Variants in ANO1 observed in about 807,000 individuals in gnomAD.
The protein encoded by ANO1 is anoctamin-1.
Under a neutral mutation model 124.0 loss-of-function variants are expected in ANO1, and 59 were observed. The ratio of observed to expected loss-of-function variants is 0.48; its 90% CI spans 0.39 to 0.59. The LOEUF (loss-of-function observed/expected upper bound fraction) is 0.59, where lower values mean the gene tolerates loss of function less well. Ranked by LOEUF, ANO1 falls within the 20% of genes least tolerant of loss-of-function variation. ANO1 has a pLI of 0.00. For missense variants in ANO1, 1,059 were observed against 1,328.0 expected (o/e 0.80, Z 3.15); for synonymous variants, 529 against 532.0 (o/e 0.99, Z 0.08).
At chr11:70,027,121 A>G (rs782027937) in intron 1 of ANO1, among the ~76,000 whole-genome samples, 9 of 152,078 alleles carry the variant, frequency 5.9e-5, no homozygotes, top group Non-Finnish European at 8.8e-5. Context: ...GTCTCTCTTC[A>G]CGGTACTCAT....
At chr11:70,172,119 T>TAAAAA (rs367908728) in intron 22 of ANO1, among the ~76,000 whole-genome samples, 17 of 120,482 alleles carry the variant, frequency 1.4e-4, no homozygotes, top group Admixed American at 3.5e-4. Context: ...GAACCTGTCT[T>TAAAAA]AAAAAAAAAA....
chr11:70,132,195 C>A (rs2046785819), intron 11 of ANO1, 116 bp downstream of exon 11: 1 of 1,342,792 alleles, frequency 7.4e-7, no homozygotes, highest in Non-Finnish European at 1.0e-6. Context: ...CGGGAAAAAA[C>A]ATAGGGGAAG....
chr11:70,099,271 T>C (rs1294596852), intron 2 of ANO1, among the ~76,000 whole-genome samples: 2 of 152,310 alleles, frequency 1.3e-5, no homozygotes, highest in East Asian at 3.9e-4. Context: ...GGCACCATGC[T>C]TTAAAACATC....
the ANO1 span, among the ~76,000 whole-genome samples, chr11:69,975,233 G>C: frequency 6.6e-6 from 1 of 152,220 alleles, no homozygotes; most frequent in Non-Finnish European, 1.5e-5. Flanking sequence ...CAGGGAGATG[G>C]AGCAGTGGCC....
At chr11:70,068,357 G>A (rs1236248893) in intron 1 of ANO1, among the ~76,000 whole-genome samples, 1 of 152,210 alleles carries the variant, frequency 6.6e-6, no homozygotes, top group Non-Finnish European at 1.5e-5. Context: ...CACCGACAAA[G>A]GACATTAGCT....
At chr11:69,994,688 T>C (rs1554998096) in intron 1 of ANO1, among the ~76,000 whole-genome samples, 2 of 152,196 alleles carry the variant, frequency 1.3e-5, no homozygotes, top group Non-Finnish European at 1.5e-5. Context: ...TTTGAGGTGA[T>C]GCTGTCACAT....
At chr11:70,155,246 C>A (rs2047763261) in intron 14 of ANO1, among the ~76,000 whole-genome samples, 1 of 152,218 alleles carries the variant, frequency 6.6e-6, no homozygotes, top group Non-Finnish European at 1.5e-5. Flanking sequence ...GCAACAGGTG[C>A]CGGAAGGAAG....
In ANO1 at chr11:70,062,565, G is replaced by A. The variant is rs182862789; in HGVS notation, c.59-15977G>A. Among the ~76,000 whole-genome samples, 151 of 152,288 alleles carry A rather than the reference G, an allele frequency of 9.9e-4. 2 individuals are homozygous for A. Among genetic ancestry groups the A allele is most frequent in the Non-Finnish European group, 1.6e-3 (109 of 68,016 alleles). On this transcript the variant is annotated intron_variant, in intron 1 of 27. Coordinates refer to the ANO1 transcript ENST00000531349. ...ACCATGCTGGGGTGAGCTGGGGGAGGGTTCAGGAGCTGCTTTCCCTCTGGA... is the reference window on the plus strand; with the variant it reads ...ACCATGCTGGGGTGAGCTGGGGGAGAGTTCAGGAGCTGCTTTCCCTCTGGA...
chr11:69,984,045 G>A (rs1554996572), upstream of ANO1, among the ~76,000 whole-genome samples: 1 of 151,912 alleles, frequency 6.6e-6, no homozygotes. Flanking sequence ...GAGCCTTTTT[G>A]GTTTATAGTT....
chr11:70,038,157 C>T (rs1371026536), intron 1 of ANO1, among the ~76,000 whole-genome samples: 3 of 152,182 alleles, frequency 2.0e-5, no homozygotes, highest in Non-Finnish European at 4.4e-5. Flanking sequence ...ATATATGTTC[C>T]AATGCAGCTG....
At chr11:70,185,009 G>A (rs113006778) in intron 24 of ANO1, among the ~76,000 whole-genome samples, 4 of 152,256 alleles carry the variant, frequency 2.6e-5, no homozygotes, top group East Asian at 1.9e-4. Flanking sequence ...TTACAGGCAC[G>A]AGCCACCACA....
chr11:70,057,872 CA>C (rs1857477082), intron 1 of ANO1, among the ~76,000 whole-genome samples: 1 of 152,066 alleles, frequency 6.6e-6, no homozygotes, highest in African/African-American at 2.4e-5. Flanking sequence ...CAAAACAAAA[CA>C]AAACAAAACA....
At chr11:70,148,669 G>A (rs151322342) in intron 11 of ANO1, among the ~76,000 whole-genome samples, 151 of 152,266 alleles carry the variant, frequency 9.9e-4, no homozygotes, top group African/African-American at 3.2e-3. Flanking sequence ...AGGGAGAAGC[G>A]TTCAGGATAA....
At chr11:69,976,507 T>TAAA in the ANO1 span, among the ~76,000 whole-genome samples, 1 of 74,498 alleles carries the variant, frequency 1.3e-5, no homozygotes. Flanking sequence ...ACTCCGTCTC[T>TAAA]AAAAAAAAAA....
chr11:70,078,785 C>A (rs2044109472), intron 1 of ANO1, 71 bp downstream of exon 1: 5 of 1,072,220 alleles, frequency 4.7e-6, no homozygotes, highest in East Asian at 4.7e-5. Context: ...GGGAACCGGG[C>A]GGCGGCAGGG....
intron 12 of ANO1, among the ~76,000 whole-genome samples, chr11:70,151,121 A>C (rs949113971): frequency 7.9e-5 from 12 of 152,240 alleles, no homozygotes; most frequent in Non-Finnish European, 1.5e-4. Flanking sequence ...ACATCCCTGT[A>C]CCTCAGTGTC....
At chr11:70,114,908 CAG>C (rs1327088692) in intron 7 of ANO1, among the ~76,000 whole-genome samples, 2 of 152,194 alleles carry the variant, frequency 1.3e-5, no homozygotes, top group African/African-American at 4.8e-5. Context: ...CTCCTGGAAT[CAG>C]AGTGTATCAC....
chr11:70,057,631 G>A (rs1857471598), intron 1 of ANO1, among the ~76,000 whole-genome samples: 1 of 152,172 alleles, frequency 6.6e-6, no homozygotes, highest in South Asian at 2.1e-4. Context: ...GGGGTCACAA[G>A]GTGCTCAGAG....
chr11:70,000,654 G>A (rs1208247497), intron 1 of ANO1, among the ~76,000 whole-genome samples: 1 of 149,422 alleles, frequency 6.7e-6, no homozygotes, highest in South Asian at 2.2e-4. Flanking sequence ...AGCCACCCCT[G>A]AGCAGTTACT....
Sources: gnomAD v4.1 joint callset for allele counts (sites outside exome capture counted in the v4.1 genomes callset) on GRCh38, gnomAD v4.1.1 for gene constraint, MANE v1.5 for transcripts, NCBI Gene and HGNC (gene_info 2026-07-23, HGNC 2026-07-21) for gene names.